The following BPTF variants were observed in gnomAD, a reference collection of about 807,000 sequenced individuals.
The protein encoded by BPTF is bromodomain PHD finger transcription factor.
A neutral mutation model predicts 292.5 loss-of-function variants in BPTF; 18 were observed. The observed-to-expected ratio is 0.06, with a 90% CI of 0.04 to 0.09. BPTF has a LOEUF of 0.09. Among genes scored for constraint, BPTF ranks in the 10% least tolerant of loss-of-function variants. BPTF has a pLI of 1.00. For missense variants in BPTF, 2,726 were observed against 3,498.7 expected (o/e 0.78, Z 5.57); for synonymous variants, 1,225 against 1,251.9 (o/e 0.98, Z 0.45).
chr17:67,949,196 T>C (rs1555677053), intron 23 of BPTF, among the ~76,000 whole-genome samples: 1 of 152,004 alleles, frequency 6.6e-6, no homozygotes, highest in South Asian at 2.1e-4. Context: ...CAAAACCCTG[T>C]CTCTACAAAA....
Position 67,854,436 on chromosome 17 carries a change from G to A in BPTF, c.1110G>A (p.Gln370=). The A allele has an allele frequency of 1.2e-6, 2 of 1,614,202 alleles. No individual in the cohort carries two copies. The highest frequency in any genetic ancestry group is 1.7e-6 in the Non-Finnish European group (2 of 1,180,036). Residue 370 remains glutamine, a synonymous_variant, in exon 2 of 28, where the codon CAG becomes CAA. Coordinates refer to ENST00000306378, the MANE Select transcript of BPTF (RefSeq NM_182641.4). This position sits in a 1 kb window ranked among gnomAD's most constrained non-coding sequence, Gnocchi z 5.6. Reference sequence around the variant, plus strand: ...AAGTTCTACAGTTTCTAGTCGATCAGTTTCTTACAACAAATATTGCTCGAG... The same window carrying A: ...AAGTTCTACAGTTTCTAGTCGATCAATTTCTTACAACAAATATTGCTCGAG... ...KIKVLQFLVD[Q]FLTTNIAREE...
Position 67,912,212 on chromosome 17 carries a change from T to G in BPTF, c.4328T>G (p.Ile1443Arg), listed in dbSNP as rs929224650. 1.2e-5 allele frequency: 19 copies of G among 1,608,390 alleles called. No homozygotes were observed. The highest frequency in any genetic ancestry group is 1.5e-5 in the Non-Finnish European group (18 of 1,177,248). ...AATGTTGAACCAAAGGTTAATAATA[T>G]AAATAAAATAATCCCTGAGAATGAT... Reference protein sequence around the residue: ...SGNVEPKVNNINKIIPENDIK... With the variant: ...SGNVEPKVNNRNKIIPENDIK... The change falls in exon 11 of 28, where the codon ATA (isoleucine) becomes AGA (arginine). Residue 1443 changes from isoleucine (I) to arginine (R), a missense_variant. By Grantham distance (97) the Ile-to-Arg change is moderately conservative. This residue lies in a region of BPTF where 713 missense variants were observed against 714.9 expected (regional missense o/e 1.00). Coordinates refer to ENST00000306378, the MANE Select transcript of BPTF (RefSeq NM_182641.4).
At chr17:67,847,432 T>G (rs929973949) in intron 1 of BPTF, among the ~76,000 whole-genome samples, 2 of 151,568 alleles carry the variant, frequency 1.3e-5, no homozygotes, top group Non-Finnish European at 2.9e-5. Context: ...AAGAATAGCG[T>G]GAACCGGGGA....
rs755144865 is a variant in BPTF at position 67,912,753 on chromosome 17, C to T, written c.4869C>T (p.Ser1623=). The T allele has an allele frequency of 1.2e-5, 19 of 1,613,906 alleles. No individual in the cohort carries two copies. The highest frequency in any genetic ancestry group is 1.6e-5 in the Non-Finnish European group (19 of 1,180,036). Residue 1623 remains serine (S), a synonymous_variant, in exon 11 of 28, where the codon TCC becomes TCT. Coordinates refer to ENST00000306378, the MANE Select transcript of BPTF (RefSeq NM_182641.4). ...CTTCCACAGAAAATTGTGCAAAATCCACTGTCACAACCACCACTACAACAG... is the reference window on the plus strand; with the variant it reads ...CTTCCACAGAAAATTGTGCAAAATCTACTGTCACAACCACCACTACAACAG... The part of the protein sequence containing the change: ...VVSSTENCAK[S]TVTTTTTTVT...
intron 9 of BPTF, among the ~76,000 whole-genome samples, chr17:67,905,422 T>G (rs1403737423): frequency 6.6e-6 from 1 of 150,616 alleles, no homozygotes; most frequent in African/African-American, 2.4e-5. Context: ...AAAAAAAAAT[T>G]CAGGCCAGCC....
chr17:67,838,517 C>T (rs946863994), intron 1 of BPTF, among the ~76,000 whole-genome samples: 1 of 152,076 alleles, frequency 6.6e-6, no homozygotes, highest in African/African-American at 2.4e-5. Context: ...CGCTCTGTCA[C>T]CCAAGCTGGA....
At chr17:67,958,926 C>T (rs2067204319) in intron 23 of BPTF, among the ~76,000 whole-genome samples, 1 of 152,074 alleles carries the variant, frequency 6.6e-6, no homozygotes, top group African/African-American at 2.4e-5. Context: ...GAGATTGCAC[C>T]ATTGACAAGA....
chr17:67,891,160 C>T (rs1459790509), intron 4 of BPTF, among the ~76,000 whole-genome samples: 1 of 151,096 alleles, frequency 6.6e-6, no homozygotes, highest in East Asian at 1.9e-4. Flanking sequence ...CCAGCCTGAG[C>T]AACAGAATGA....
At chr17:67,919,908 C>G in intron 12 of BPTF, 107 bp from the exon 13 acceptor site, 1 of 1,091,276 alleles carries the variant, frequency 9.2e-7, no homozygotes, top group South Asian at 1.6e-5. Context: ...TCAGGTGTTT[C>G]CAAAAGTTTA....
At position 67,913,066 on chromosome 17, in the gene BPTF, T is replaced by G. The variant is rs2062752723; in HGVS notation, c.5182T>G (p.Leu1728Val). ...KSIFVLPNDD[L>V]KKLARKGGIR... ...CATTTTTGTTTTGCCTAATGATGACTTAAAAAAGTTGGCCCGAAAAGGAGG... is the reference window on the plus strand; with the variant it reads ...CATTTTTGTTTTGCCTAATGATGACGTAAAAAAGTTGGCCCGAAAAGGAGG... Residue 1728 changes from leucine (L) to valine (V), a missense_variant, in exon 11 of 28, where the codon TTA (leucine) becomes GTA (valine). Leu to Val is a conservative substitution (Grantham distance 32). This residue lies in a region of BPTF where 24 missense variants were observed against 57.5 expected (regional missense o/e 0.42). Transcript: ENST00000306378. 10 of 1,614,090 alleles carry G rather than the reference T, an allele frequency of 6.2e-6. No individual in the cohort carries two copies. The highest frequency in any genetic ancestry group is 8.5e-6 in the Non-Finnish European group (10 of 1,180,040).
intron 7 of BPTF, among the ~76,000 whole-genome samples, chr17:67,895,939 A>G (rs2061410735): frequency 6.6e-6 from 1 of 151,360 alleles, no homozygotes. Flanking sequence ...GAAATTTGGA[A>G]ACAATTCCTA....
At chr17:67,848,483 G>T (rs987672781) in intron 1 of BPTF, among the ~76,000 whole-genome samples, 2 of 152,198 alleles carry the variant, frequency 1.3e-5, no homozygotes, top group Non-Finnish European at 2.9e-5. Context: ...GCACAGCAAA[G>T]GGTAGTAGAG....
intron 2 of BPTF, among the ~76,000 whole-genome samples, chr17:67,861,931 C>T (rs1043742837): frequency 1.3e-5 from 2 of 152,090 alleles, no homozygotes; most frequent in African/African-American, 2.4e-5. Context: ...TCTCTTGCAT[C>T]GTGAAATACT....
At chr17:67,832,881 G>A (rs1010616900) in intron 1 of BPTF, among the ~76,000 whole-genome samples, 1 of 142,702 alleles carries the variant, frequency 7.0e-6, no homozygotes, top group African/African-American at 2.6e-5. Context: ...TCCACCTCCC[G>A]GGTTTAAGCG....
intron 15 of BPTF, among the ~76,000 whole-genome samples, chr17:67,928,084 A>G (rs1367455374): frequency 6.6e-6 from 1 of 152,088 alleles, no homozygotes; most frequent in Non-Finnish European, 1.5e-5. Flanking sequence ...GGGTTTCACC[A>G]TATTGGCCAG....
intron 2 of BPTF, among the ~76,000 whole-genome samples, chr17:67,862,275 C>G (rs1306450632): frequency 1.3e-5 from 2 of 152,172 alleles, no homozygotes; most frequent in Non-Finnish European, 1.5e-5. Context: ...CGTGCCCGGC[C>G]TAGTTACTTG....
chr17:67,913,083 A>G lies in BPTF; in HGVS notation c.5199A>G (p.Arg1733=). 1 of 1,614,178 alleles carries G rather than the reference A, an allele frequency of 6.2e-7. No individual in the cohort carries two copies. Among genetic ancestry groups the G allele is most frequent in the East Asian group, 2.2e-5 (1 of 44,892 alleles). Residue 1733 remains arginine (R), a synonymous_variant, in exon 11 of 28, where the codon CGA becomes CGG. Transcript: ENST00000306378. ...ATGATGACTTAAAAAAGTTGGCCCG[A>G]AAAGGAGGAATCCGAGAGGTCCCTT... is the stretch of plus-strand genomic sequence containing the variant. ...LPNDDLKKLA[R]KGGIREVPYF...
At chr17:67,861,434 C>T (rs117751660) in intron 2 of BPTF, among the ~76,000 whole-genome samples, 2,281 of 150,936 alleles carry the variant, frequency 0.015, 25 homozygotes, top group Middle Eastern at 0.027. Flanking sequence ...TGGATTCAAG[C>T]GACTCCCGAG....
At chr17:67,844,317 C>T (rs28805033) in intron 1 of BPTF, among the ~76,000 whole-genome samples, 12,546 of 150,106 alleles carry the variant, frequency 0.084, 1,616 homozygotes, top group African/African-American at 0.28. Context: ...GCGCAATCTC[C>T]GCTCACTGCA....
Sources: gnomAD v4.1 joint callset for allele counts (sites outside exome capture counted in the v4.1 genomes callset) on GRCh38, gnomAD v4.1.1 for gene constraint, gnomAD v4.1.1 regional missense constraint, Gnocchi (gnomAD v3.1) non-coding constraint, MANE v1.5 for transcripts, NCBI Gene and HGNC (gene_info 2026-07-23, HGNC 2026-07-21) for gene names.